Variants in STPG2 observed in about 807,000 individuals in gnomAD.
STPG2 encodes sperm-tail PG-rich repeat-containing protein 2.
Under a neutral mutation model 54.2 loss-of-function variants are expected in STPG2, and 56 were observed. That is an observed-to-expected ratio of 1.03 (90% CI 0.83 to 1.29). The LOEUF is 1.29. STPG2 is among the 50% of genes most tolerant of loss of function. STPG2 has a pLI of 0.00. For synonymous variants in STPG2, 200 were observed against 181.8 expected, an observed-to-expected ratio of 1.10 and a Z score of -0.81; for missense variants, 596 against 544.9, an observed-to-expected ratio of 1.09 and a Z score of -0.93.
chr4:98,109,428 T>A, intron 3 of STPG2, 123 bp from the exon 4 acceptor site: 1 of 667,480 alleles, frequency 1.5e-6, no homozygotes, highest in African/African-American at 1.8e-5. Context: ...GGGGTTCCAC[T>A]GGTAAATGCT....
chr4:97,629,655 T>G (rs999693008), intron 10 of STPG2, among the ~76,000 whole-genome samples: 2 of 152,046 alleles, frequency 1.3e-5, no homozygotes, highest in Admixed American at 1.3e-4. Flanking sequence ...GTTGAATGAA[T>G]GTCTGAAACA....
In STPG2 at chr4:97,533,026, G is replaced by A. The variant is rs563600345; in HGVS notation, c.462+179673C>T. On this transcript the variant is annotated intron_variant, in intron 4 of 4. Coordinates refer to the STPG2 transcript ENST00000522676. Reference sequence around the variant, plus strand: ...GCCTCCCAAGCAGCTGGAACTACAGGCGCCCGCCACCACACCCGGCTAATT... The same window carrying A: ...GCCTCCCAAGCAGCTGGAACTACAGACGCCCGCCACCACACCCGGCTAATT... 4.1e-3 allele frequency among the ~76,000 whole-genome samples: 631 copies of A among 152,172 alleles called. 3 individuals carry two copies. Among genetic ancestry groups the A allele is most frequent in the South Asian group, 0.02 (98 of 4,818 alleles).
At chr4:98,011,274 G>A (rs904518624) in intron 5 of STPG2, among the ~76,000 whole-genome samples, 10 of 151,948 alleles carry the variant, frequency 6.6e-5, no homozygotes, top group African/African-American at 1.9e-4. Flanking sequence ...TCCAAGACCC[G>A]GCAAAGGTCA....
intron 9 of STPG2, among the ~76,000 whole-genome samples, chr4:97,800,016 A>G (rs1210175931): frequency 6.6e-6 from 1 of 152,104 alleles, no homozygotes; most frequent in Non-Finnish European, 1.5e-5. Flanking sequence ...TTCTCGTGCC[A>G]TGGTTTTCAG....
At chr4:97,786,773 A>G (rs1293247784) in intron 9 of STPG2, among the ~76,000 whole-genome samples, 1 of 152,078 alleles carries the variant, frequency 6.6e-6, no homozygotes, top group Non-Finnish European at 1.5e-5. Context: ...CAATGCATTC[A>G]TGCTACACAG....
intron 9 of STPG2, among the ~76,000 whole-genome samples, chr4:97,838,108 A>G (rs537269026): frequency 6.6e-6 from 1 of 151,760 alleles, no homozygotes; most frequent in South Asian, 2.1e-4. Flanking sequence ...GTACACACAT[A>G]TATACATATA....
intron 5 of STPG2, among the ~76,000 whole-genome samples, chr4:97,996,836 A>C (rs1454629147): frequency 6.6e-6 from 1 of 152,220 alleles, no homozygotes; most frequent in Admixed American, 6.5e-5. Context: ...TATGAAAAAA[A>C]TGCTCAACAT....
intron 8 of STPG2, among the ~76,000 whole-genome samples, chr4:97,905,115 G>A (rs1171515492): frequency 2.0e-5 from 3 of 151,462 alleles, no homozygotes; most frequent in African/African-American, 7.3e-5. Flanking sequence ...ACGCCACAAA[G>A]ATACTCCTCG....
chr4:97,575,018 T>C (rs922916382), intron 10 of STPG2, among the ~76,000 whole-genome samples: 3 of 151,704 alleles, frequency 2.0e-5, no homozygotes, highest in Non-Finnish European at 2.9e-5. Flanking sequence ...TTTCTATGAA[T>C]ACAAACTAGA....
intron 5 of STPG2, among the ~76,000 whole-genome samples, chr4:98,052,144 C>G (rs1461488028): frequency 6.6e-6 from 1 of 151,342 alleles, no homozygotes; most frequent in African/African-American, 2.4e-5. Context: ...TATTATCTCC[C>G]AAAAATTTCT....
At chr4:97,751,072 T>C (rs112362215) in intron 9 of STPG2, among the ~76,000 whole-genome samples, 1,882 of 151,916 alleles carry the variant, frequency 0.012, 34 homozygotes, top group African/African-American at 0.043. Context: ...GAAAGACCTA[T>C]CTAATGTGAT....
At chr4:97,867,682 C>T (rs959272465) in intron 8 of STPG2, among the ~76,000 whole-genome samples, 1 of 151,980 alleles carries the variant, frequency 6.6e-6, no homozygotes, top group Non-Finnish European at 1.5e-5. Context: ...GTTGGCAGTC[C>T]AGGACTGATG....
At chr4:97,655,539 G>T (rs2148956967) in intron 10 of STPG2, among the ~76,000 whole-genome samples, 1 of 151,918 alleles carries the variant, frequency 6.6e-6, no homozygotes, top group South Asian at 2.1e-4. Flanking sequence ...TTACTATTTT[G>T]GATGAAGAGA....
At chr4:97,913,207 G>T (rs1255399213) in intron 8 of STPG2, among the ~76,000 whole-genome samples, 1 of 152,134 alleles carries the variant, frequency 6.6e-6, no homozygotes, top group Admixed American at 6.6e-5. Context: ...GTTAACAAAT[G>T]ATTCTATTTT....
chr4:97,469,160 AG>A (rs1397683367), intron 4 of STPG2, among the ~76,000 whole-genome samples: 5 of 152,130 alleles, frequency 3.3e-5, no homozygotes, highest in African/African-American at 1.2e-4. Flanking sequence ...CATGGTATTC[AG>A]GTAGTGCTAT....
intron 7 of STPG2, among the ~76,000 whole-genome samples, chr4:97,953,984 C>T (rs745885639): frequency 4.6e-5 from 7 of 152,146 alleles, no homozygotes; most frequent in Non-Finnish European, 1.0e-4. Flanking sequence ...AAAGAAACTA[C>T]AATAATTTTA....
intron 9 of STPG2, among the ~76,000 whole-genome samples, chr4:97,746,199 T>G (rs1178729717): frequency 2.6e-5 from 4 of 151,250 alleles, no homozygotes; most frequent in African/African-American, 9.7e-5. Flanking sequence ...CTTCTATATA[T>G]TCTATTACCT....
At chr4:97,940,935 A>G (rs1229923798) in intron 8 of STPG2, among the ~76,000 whole-genome samples, 2 of 152,006 alleles carry the variant, frequency 1.3e-5, no homozygotes, top group African/African-American at 4.8e-5. Flanking sequence ...TCTTTATGTC[A>G]CCATTCTTTT....
At chr4:98,126,393 C>T (rs1171308745) in intron 3 of STPG2, among the ~76,000 whole-genome samples, 3 of 152,188 alleles carry the variant, frequency 2.0e-5, no homozygotes, top group Non-Finnish European at 4.4e-5. Context: ...TGTGGGCTCA[C>T]GAGGGGATCT....
Sources: gnomAD v4.1 joint callset for allele counts (sites outside exome capture counted in the v4.1 genomes callset) on GRCh38, gnomAD v4.1.1 for gene constraint, MANE v1.5 for transcripts, NCBI Gene and HGNC (gene_info 2026-07-23, HGNC 2026-07-21) for gene names.